The following AMHR2 variants were observed in gnomAD, a reference collection of about 807,000 sequenced individuals.
AMHR2 encodes the protein anti-Muellerian hormone type-2 receptor.
Under a neutral mutation model 61.4 loss-of-function variants are expected in AMHR2, and 36 were observed. That is an observed-to-expected ratio of 0.59 (90% CI 0.45 to 0.77). The LOEUF (loss-of-function observed/expected upper bound fraction) is 0.77, where lower values mean the gene tolerates loss of function less well. Among genes scored for constraint, AMHR2 ranks in the 30% least tolerant of loss-of-function variants. The probability of loss-of-function intolerance (pLI) is 0.00; values close to 1 mark genes in which losing one functional copy is unlikely to be tolerated. For missense variants in AMHR2, 638 were observed against 714.6 expected (o/e 0.89, Z 1.22); for synonymous variants, 258 against 279.4 (o/e 0.92, Z 0.76).
Position 53,430,247 on chromosome 12 carries a change from C to G in AMHR2, c.1390C>G (p.Pro464Ala). Residue 464 changes from proline (P) to alanine (A), a missense_variant, in exon 10 of 11, where the codon CCC (proline) becomes GCC (alanine). By Grantham distance (27) the Pro-to-Ala change is conservative (BLOSUM62 -1). Transcript: ENST00000257863. ...CTTGGCAGTGCAGGAGAGGAGGCGT[C>G]CCTACATCCCATCCACCTGGCGCTG... ...WALAVQERRR[P>A]YIPSTWRCFA... 1 of 1,614,202 alleles carries G rather than the reference C, an allele frequency of 6.2e-7. No individual in the cohort carries two copies. Among genetic ancestry groups the G allele is most frequent in the Non-Finnish European group, 8.5e-7 (1 of 1,180,032 alleles).
At position 53,431,411 on chromosome 12, in the gene AMHR2, A is replaced by C. The variant is rs766874657; in HGVS notation, c.1660A>C (p.Ser554Arg). 6.2e-7 allele frequency: 1 copy of C among 1,614,234 alleles called. No individual in the cohort carries two copies. Among genetic ancestry groups the C allele is most frequent in the South Asian group, 1.1e-5 (1 of 91,084 alleles). Residue 554 changes from serine to arginine, a missense_variant, in exon 11 of 11, where the codon AGC becomes CGC. Coordinates refer to ENST00000257863, the MANE Select transcript of AMHR2 (RefSeq NM_020547.3). ...CRPQRSACHF[S>R]VQQGPCSRNP... Reference sequence around the variant, plus strand: ...GCCTCAGCGGAGTGCCTGCCACTTCAGCGTTCAGCAAGGCCCTTGTTCCAG... The same window carrying C: ...GCCTCAGCGGAGTGCCTGCCACTTCCGCGTTCAGCAAGGCCCTTGTTCCAG...
Position 53,429,367 on chromosome 12 carries a change from G to C in AMHR2, c.968-86G>C, listed in dbSNP as rs1307469416. On this transcript the variant is annotated intron_variant, in intron 7 of 10. Coordinates refer to ENST00000257863, the MANE Select transcript of AMHR2 (RefSeq NM_020547.3). ...AGATCGCGACACTGCACTCCAGCCT[G>C]GGCGACAGAGCGAGACGCCGACTCA... 3 of 1,437,668 alleles carry C rather than the reference G, an allele frequency of 2.1e-6. No individual in the cohort carries two copies. In the East Asian group the frequency reaches 6.9e-5, roughly 33 times the overall value. 89.1% of individuals were successfully genotyped at this position (1,437,668 alleles called of 1,614,324 possible).
Position 53,424,670 on chromosome 12 carries a change from C to G in AMHR2, c.233-39C>G, listed in dbSNP as rs1422161211. 5 of 1,597,624 alleles carry G rather than the reference C, an allele frequency of 3.1e-6. No individual in the cohort carries two copies. The Admixed American group carries it at 6.8e-5, about 22-fold the overall frequency. ...ACCCCATTGTGCTTTCTTCCTTGCC[C>G]CCCCTTTCTCTCCTCTTCCCCTAAT... On this transcript the variant is annotated intron_variant, in intron 2 of 10. Coordinates refer to ENST00000257863, the MANE Select transcript of AMHR2 (RefSeq NM_020547.3).
Position 53,424,386 on chromosome 12 carries a change from C to G in AMHR2, c.148C>G (p.Pro50Ala), listed in dbSNP as rs146964694. 6.2e-7 allele frequency: 1 copy of G among 1,613,540 alleles called. No individual in the cohort carries two copies. The highest frequency in any genetic ancestry group is 8.5e-7 in the Non-Finnish European group (1 of 1,179,958). ...GELLDTGTEL[P>A]RAIRCLYSRC... ...GCTGCTAGATACAGGCACAGAGCTC[C>G]CCAGAGCTATCCGCTGCCTCTACAG... Residue 50 changes from proline to alanine, a missense_variant, in exon 2 of 11, where the codon CCC becomes GCC. Transcript: ENST00000257863.
At chr12:53,424,027 C>CA in intron 1 of AMHR2, 44 bp downstream of exon 1, 1 of 1,609,360 alleles carries the variant, frequency 6.2e-7, no homozygotes, top group South Asian at 1.1e-5. Context: ...ATCCATCCAG[C>CA]AAGGGAAAGG....
In AMHR2 at chr12:53,425,784, G is replaced by C. The variant is rs949006402; in HGVS notation, c.717G>C (p.Gln239His). 1 of 1,614,202 alleles carries C rather than the reference G, an allele frequency of 6.2e-7. No homozygotes were observed. Among genetic ancestry groups the C allele is most frequent in the East Asian group, 2.2e-5 (1 of 44,884 alleles). Reference sequence around the variant, plus strand: ...CCTTCCCACCGAGGTCTGTGGCTCAGTTCCAAGCTGAGAGAGCATTGTACG... The same window carrying C: ...CCTTCCCACCGAGGTCTGTGGCTCACTTCCAAGCTGAGAGAGCATTGTACG... The part of the protein sequence containing the change: ...IKAFPPRSVA[Q>H]FQAERALYEL... Residue 239 changes from glutamine (Q) to histidine (H), a missense_variant, in exon 6 of 11, where the codon CAG (glutamine) becomes CAC (histidine). Physicochemically the swap from Gln to His is conservative, Grantham distance 24 (BLOSUM62 0). Coordinates refer to ENST00000257863, the MANE Select transcript of AMHR2 (RefSeq NM_020547.3).
At chr12:53,424,607 C>T (rs547365188) in intron 2 of AMHR2, 102 bp from the exon 3 acceptor site, 53 of 1,525,842 alleles carry the variant, frequency 3.5e-5, no homozygotes, top group African/African-American at 1.8e-4. Context: ...CTGGAAGGGA[C>T]GCCTCTGATA....
At chr12:53,426,142 G>A (rs776110788) in intron 6 of AMHR2, among the ~76,000 whole-genome samples, 5 of 152,090 alleles carry the variant, frequency 3.3e-5, no homozygotes, top group Non-Finnish European at 5.9e-5. Context: ...ACCAGCCTAG[G>A]CAATATGAGG....
rs1940098428 is a variant in AMHR2 at position 53,431,506 on chromosome 12, CA to C, written c.*35del. 4 of 1,612,586 alleles carry C rather than the reference CA, an allele frequency of 2.5e-6. No homozygotes were observed. In the South Asian group the frequency reaches 4.4e-5, roughly 18 times the overall value. On this transcript the variant is annotated 3_prime_UTR_variant, in exon 11 of 11. Transcript: ENST00000257863. The stretch of plus-strand genomic sequence containing the variant: ...GTTTATGTGTCATCAATGTACATGC[CA>C]ACATAAATATGGCGATTGTATAGCT...
chr12:53,424,629 T>C (rs898126342), intron 2 of AMHR2, 80 bp from the exon 3 acceptor site: 203 of 1,536,834 alleles, frequency 1.3e-4, no homozygotes, highest in Non-Finnish European at 1.7e-4. Context: ...AGAAGGGATT[T>C]ACCCTCTGTT....
chr12:53,425,119 G>A (rs1939441188), intron 3 of AMHR2, 46 bp from the exon 4 acceptor site: 2 of 1,611,828 alleles, frequency 1.2e-6, no homozygotes, highest in Non-Finnish European at 1.7e-6. Context: ...CAGAGAGCAG[G>A]TTTGGGTCAG....
rs1198050498 is a variant in AMHR2, at chr12:53,429,892, G to A, written c.1202G>A (p.Trp401Ter). The change falls in exon 9 of 11, where the codon TGG becomes TAG. Residue 401 changes from tryptophan to a stop codon, truncating the protein, a stop_gained. Transcript: ENST00000257863. LOFTEE classifies it high-confidence loss of function. ...LLDKTLDLQD[W>*]GMALRRADIY... ...GACAAGACTCTGGACCTACAGGATT[G>A]GGGCATGGCCCTCCGACGAGCTGAT... The A allele has an allele frequency of 6.2e-7, 1 of 1,614,208 alleles. No homozygotes were observed. Among genetic ancestry groups the A allele is most frequent in the African/African-American group, 1.3e-5 (1 of 75,044 alleles).
Position 53,429,565 on chromosome 12 carries a change from C to A in AMHR2, c.1080C>A (p.Gly360=), listed in dbSNP as rs765020465. Residue 360 remains glycine, a synonymous_variant, in exon 8 of 11, where the codon GGC becomes GGA. Transcript: ENST00000257863. ...GDLGLALVLP[G]LTQPPAWTPT... is the part of the protein sequence containing the mutation. Reference sequence around the variant, plus strand: ...TGGGCCTTGCCTTGGTGCTCCCTGGCCTCACTCAGCCCCCTGCCTGGACCC... The same window carrying A: ...TGGGCCTTGCCTTGGTGCTCCCTGGACTCACTCAGCCCCCTGCCTGGACCC... 6 of 1,614,042 alleles carry A rather than the reference C, an allele frequency of 3.7e-6. No individual in the cohort carries two copies. The highest frequency in any genetic ancestry group is 3.3e-5 in the South Asian group (3 of 91,082).
chr12:53,425,429 G>C (rs753228275), intron 4 of AMHR2, 26 bp from the exon 5 acceptor site: 1 of 1,612,546 alleles, frequency 6.2e-7, no homozygotes, highest in South Asian at 1.1e-5. Flanking sequence ...TTTGCACCCT[G>C]ACCCTAAGGC....
In AMHR2 at chr12:53,430,221, C is replaced by T; in HGVS notation, c.1364C>T (p.Ala455Val). 1.2e-6 allele frequency: 2 copies of T among 1,614,190 alleles called. No individual in the cohort carries two copies. The highest frequency in any genetic ancestry group is 2.2e-5 in the East Asian group (1 of 44,884). ...GNTPTSDELW[A>V]LAVQERRRPY... is the part of the protein sequence containing the mutation. Reference sequence around the variant, plus strand: ...ACCCCTACCTCTGATGAGCTATGGGCCTTGGCAGTGCAGGAGAGGAGGCGT... The same window carrying T: ...ACCCCTACCTCTGATGAGCTATGGGTCTTGGCAGTGCAGGAGAGGAGGCGT... The change falls in exon 10 of 11, where the codon GCC becomes GTC. Residue 455 changes from alanine to valine, a missense_variant. Physicochemically the swap from Ala to Val is moderately conservative, Grantham distance 64. Coordinates refer to ENST00000257863, the MANE Select transcript of AMHR2 (RefSeq NM_020547.3).
chr12:53,430,307 G>T lies in AMHR2; in HGVS notation c.1425+25G>T, dbSNP rs182282405. 2.5e-6 allele frequency: 4 copies of T among 1,614,114 alleles called. No homozygotes were observed. The East Asian group carries it at 8.9e-5, about 36-fold the overall frequency. On this transcript the variant is annotated intron_variant, in intron 10 of 10. Transcript: ENST00000257863. ...AGTAAGAGGCCTAGGCTGTTGGTCT[G>T]GGAACCTGGAGAGTGGGGGCTGGGC... is the stretch of plus-strand genomic sequence containing the variant.
intron 9 of AMHR2, 39 bp from the exon 10 acceptor site, chr12:53,430,106 CT>C (rs1278175660): frequency 2.5e-6 from 4 of 1,614,132 alleles, no homozygotes; most frequent in East Asian, 2.2e-5. Context: ...GTAGGCACCC[CT>C]AGGACTAACT....
intron 6 of AMHR2, among the ~76,000 whole-genome samples, chr12:53,427,404 T>C (rs1298415102): frequency 1.3e-5 from 2 of 152,114 alleles, no homozygotes; most frequent in African/African-American, 4.8e-5. Context: ...TTTTATTTTA[T>C]TTTATTTTAT....
chr12:53,424,023 C>T, intron 1 of AMHR2, 40 bp downstream of exon 1: 1 of 1,610,648 alleles, frequency 6.2e-7, no homozygotes, highest in Admixed American at 1.7e-5. Context: ...CTCCATCCAT[C>T]CAGCAAGGGA....
Sources: gnomAD v4.1 joint callset for allele counts (sites outside exome capture counted in the v4.1 genomes callset) on GRCh38, gnomAD v4.1.1 for gene constraint, MANE v1.5 for transcripts, NCBI Gene and HGNC (gene_info 2026-07-23, HGNC 2026-07-21) for gene names.